CSPP1: variants seen among roughly 807,000 people sequenced by gnomAD.
CSPP1 encodes centrosome and spindle pole-associated protein 1.
CSPP1 carries 126 observed loss-of-function variants against 164.4 expected under a neutral mutation model. The ratio of observed to expected loss-of-function variants is 0.77; its 90% CI spans 0.66 to 0.89. CSPP1 has a LOEUF of 0.89. CSPP1 is among the 40% of genes least tolerant of loss of function. The probability of loss-of-function intolerance (pLI) is 0.00; values close to 1 mark genes in which losing one functional copy is unlikely to be tolerated. For missense variants in CSPP1, 1,395 were observed against 1,449.8 expected (o/e 0.96, Z 0.61); for synonymous variants, 472 against 476.7 (o/e 0.99, Z 0.13).
At chr8:67,194,460 G>A (rs946284293) in intron 30 of CSPP1, among the ~76,000 whole-genome samples, 2 of 152,128 alleles carry the variant, frequency 1.3e-5, no homozygotes, top group Non-Finnish European at 2.9e-5. Flanking sequence ...TAATTGATGG[G>A]ACAGTAGGAA....
At chr8:67,072,344 A>C (rs981460926) in intron 1 of CSPP1, among the ~76,000 whole-genome samples, 3 of 152,174 alleles carry the variant, frequency 2.0e-5, no homozygotes, top group Non-Finnish European at 2.9e-5. Context: ...AAATTTAAAA[A>C]TTGATAAATT....
intron 7 of CSPP1, chr8:67,099,365 T>A (rs1022830621): frequency 5.3e-5 from 8 of 152,152 alleles, no homozygotes; most frequent in Non-Finnish European, 1.5e-5. Context: ...TAAGTAGGCT[T>A]GGACCTGGTT....
chr8:67,171,087 A>ATTT (rs765450150), intron 24 of CSPP1, among the ~76,000 whole-genome samples: 1 of 120,824 alleles, frequency 8.3e-6, no homozygotes, highest in South Asian at 3.0e-4. Context: ...TGCCCGGCCA[A>ATTT]TTTTTTTTTT....
chr8:67,175,457 T>C (rs1248472947), intron 26 of CSPP1, 21 bp downstream of exon 26: 1 of 1,613,524 alleles, frequency 6.2e-7, no homozygotes, highest in African/African-American at 1.3e-5. Flanking sequence ...ATCATTGCTG[T>C]GTCAAATAGT....
rs1399308387 is a variant in CSPP1 at position 67,158,514 on chromosome 8, A to G, written c.2309A>G (p.Glu770Gly). The change falls in exon 20 of 31, where the codon GAA becomes GGA. Residue 770 changes from glutamate (E) to glycine (G), a missense_variant. Glu to Gly is a moderately conservative substitution (Grantham distance 98, BLOSUM62 -2). Transcript: ENST00000678616. ...ERLRIAEEKE[E>G]RRLAEQRARI... is the part of the protein sequence containing the mutation. ...CTGAGAATTGCAGAAGAAAAAGAAG[A>G]AAGACGGCTTGCAGAACAGAGGGCA... The G allele has an allele frequency of 6.2e-7, 1 of 1,613,212 alleles. No homozygotes were observed. Among genetic ancestry groups the G allele is most frequent in the South Asian group, 1.1e-5 (1 of 90,928 alleles).
intron 17 of CSPP1, among the ~76,000 whole-genome samples, chr8:67,141,663 A>G (rs1355024332): frequency 6.6e-6 from 1 of 152,222 alleles, no homozygotes; most frequent in African/African-American, 2.4e-5. Flanking sequence ...CTGGGATTAC[A>G]GGCATGTGCC....
intron 15 of CSPP1, among the ~76,000 whole-genome samples, chr8:67,128,963 A>G (rs1473170272): frequency 6.6e-6 from 1 of 152,036 alleles, no homozygotes. Flanking sequence ...GGTTTTTCTG[A>G]TGATTGAATG....
chr8:67,195,256 A>G, intron 30 of CSPP1, 126 bp from the exon 31 acceptor site: 1 of 729,106 alleles, frequency 1.4e-6, no homozygotes, highest in Non-Finnish European at 2.5e-6. Flanking sequence ...AACAAACAGT[A>G]GAGTTCAGGA....
chr8:67,078,974 TA>T (rs539954750), intron 3 of CSPP1, among the ~76,000 whole-genome samples: 10 of 150,586 alleles, frequency 6.6e-5, no homozygotes, highest in Middle Eastern at 3.4e-3. Context: ...TCCATCTCAA[TA>T]AAAAAAAAGA....
chr8:67,073,098 G>T (rs12542194), intron 1 of CSPP1, among the ~76,000 whole-genome samples: 14 of 152,162 alleles, frequency 9.2e-5, no homozygotes, highest in African/African-American at 3.4e-4. Flanking sequence ...TCACGCCCTG[G>T]CAAGGATGTG....
intron 1 of CSPP1, among the ~76,000 whole-genome samples, chr8:67,066,306 T>A (rs2129539006): frequency 6.6e-6 from 1 of 152,312 alleles, no homozygotes; most frequent in South Asian, 2.1e-4. Flanking sequence ...GTGGATGCCA[T>A]CTGCCAGGAG....
At chr8:67,181,799 A>G (rs909409200) in intron 28 of CSPP1, among the ~76,000 whole-genome samples, 7 of 152,114 alleles carry the variant, frequency 4.6e-5, no homozygotes, top group Non-Finnish European at 5.9e-5. Context: ...TGAAAATAGA[A>G]ACTCTTCATA....
At chr8:67,154,370 T>G (rs1308048552) in intron 19 of CSPP1, among the ~76,000 whole-genome samples, 1 of 152,086 alleles carries the variant, frequency 6.6e-6, no homozygotes, top group Non-Finnish European at 1.5e-5. Context: ...ATAATTAATT[T>G]TTTTTATTTT....
At chr8:67,072,527 A>G (rs1435896941) in intron 1 of CSPP1, among the ~76,000 whole-genome samples, 3 of 151,960 alleles carry the variant, frequency 2.0e-5, no homozygotes, top group African/African-American at 7.3e-5. Flanking sequence ...AAATCTTACA[A>G]TTCAATGGTA....
intron 4 of CSPP1, 146 bp downstream of exon 4, chr8:67,086,256 A>G (rs1351650205): frequency 8.1e-6 from 6 of 737,390 alleles, no homozygotes; most frequent in South Asian, 4.1e-5. Context: ...TAAGTGGCAT[A>G]TATGACATTG....
intron 18 of CSPP1, among the ~76,000 whole-genome samples, chr8:67,153,729 A>G (rs1217028425): frequency 6.6e-6 from 1 of 152,110 alleles, no homozygotes; most frequent in African/African-American, 2.4e-5. Context: ...TCTATTTTAA[A>G]GCCTTTGTTG....
chr8:67,126,146 G>C (rs1820014124), intron 15 of CSPP1, among the ~76,000 whole-genome samples: 1 of 152,050 alleles, frequency 6.6e-6, no homozygotes, highest in East Asian at 1.9e-4. Context: ...TATTTCTTTA[G>C]ATACATATTT....
rs570533406 is a variant in CSPP1 at position 67,161,723 on chromosome 8, T to C, written c.2539-88T>C. 90 of 655,580 alleles carry C rather than the reference T, an allele frequency of 1.4e-4. No individual in the cohort carries two copies. The African/African-American group carries it at 1.6e-3, about 11-fold the overall frequency. The allele number at this position is 655,580 out of a possible 1,614,324, so 40.6% of individuals were successfully genotyped here. On this transcript the variant is annotated intron_variant, in intron 21 of 30. Transcript: ENST00000678616. ...AACAATCTAAACTTCTTAGATGACT[T>C]TCTTAACTATAAGGGGTGTGTGTGT...
intron 28 of CSPP1, among the ~76,000 whole-genome samples, chr8:67,181,199 G>GTTAT (rs1210374001): frequency 6.6e-6 from 1 of 151,560 alleles, no homozygotes; most frequent in African/African-American, 2.4e-5. Context: ...ACGATACCTG[G>GTTAT]TTATCTTTTT....
Sources: gnomAD v4.1 joint callset for allele counts (sites outside exome capture counted in the v4.1 genomes callset) on GRCh38, gnomAD v4.1.1 for gene constraint, MANE v1.5 for transcripts, NCBI Gene and HGNC (gene_info 2026-07-23, HGNC 2026-07-21) for gene names.